UBE2D3: variants seen among roughly 807,000 people sequenced by gnomAD.
UBE2D3 encodes the protein ubiquitin-conjugating enzyme E2 D3.
UBE2D3 carries 2 observed loss-of-function variants against 22.8 expected under a neutral mutation model. The observed-to-expected ratio is 0.09, with a 90% confidence interval of 0.04 to 0.28. The LOEUF (loss-of-function observed/expected upper bound fraction) is 0.28, where lower values mean the gene tolerates loss of function less well. Among genes scored for constraint, UBE2D3 ranks in the 10% least tolerant of loss-of-function variants. The probability of loss-of-function intolerance (pLI) is 1.00; values close to 1 mark genes in which losing one functional copy is unlikely to be tolerated. For synonymous variants in UBE2D3, 56 were observed against 60.4 expected (o/e 0.93, Z 0.34); for missense variants, 27 against 182.5 (o/e 0.15, Z 4.91).
At chr4:102,834,473 G>T (rs1009269719) in intron 1 of UBE2D3, among the ~76,000 whole-genome samples, 1 of 152,140 alleles carries the variant, frequency 6.6e-6, no homozygotes, top group South Asian at 2.1e-4. Flanking sequence ...TGAGGGCCGG[G>T]TGTGGTGGTA....
chr4:102,817,512 C>T (rs1728942314), intron 2 of UBE2D3, among the ~76,000 whole-genome samples: 1 of 152,062 alleles, frequency 6.6e-6, no homozygotes, highest in South Asian at 2.1e-4. Context: ...CTAAGTGTAC[C>T]TACTAACAAC....
chr4:102,802,805 TAA>T (rs1315567834), intron 4 of UBE2D3, 167 bp from the exon 5 acceptor site: 2 of 440,178 alleles, frequency 4.5e-6, no homozygotes, highest in African/African-American at 2.0e-5. Flanking sequence ...GAAAAAAACT[TAA>T]AACTTATACA....
In UBE2D3 at chr4:102,809,859, C is replaced by T. The variant is rs754270661; in HGVS notation, c.25-4G>A. ...CACGGGCCAAATCACTAAGTTCCTA[C>T]ACCAAGACAGAAAATGGGTGAGTCA... On this transcript the variant is annotated splice_region_variant and splice_polypyrimidine_tract_variant and intron_variant, in intron 2 of 7. Coordinates refer to ENST00000453744, the MANE Select transcript of UBE2D3 (RefSeq NM_181891.3). 6.8e-6 allele frequency: 11 copies of T among 1,613,014 alleles called. No individual in the cohort carries two copies. Among genetic ancestry groups the T allele is most frequent in the African/African-American group, 4.0e-5 (3 of 74,800 alleles).
At chr4:102,823,243 C>T (rs1729914989) in intron 2 of UBE2D3, among the ~76,000 whole-genome samples, 1 of 152,166 alleles carries the variant, frequency 6.6e-6, no homozygotes, top group Non-Finnish European at 1.5e-5. Flanking sequence ...GTTAAGAGCA[C>T]ATACTCTGGA....
chr4:102,802,752 G>A, intron 4 of UBE2D3, 114 bp from the exon 5 acceptor site: 1 of 650,926 alleles, frequency 1.5e-6, no homozygotes, highest in Non-Finnish European at 2.4e-6. Context: ...TATTTACACT[G>A]CAATAAATAA....
At chr4:102,825,701 G>C (rs1217185083) in intron 2 of UBE2D3, 1 of 684,200 alleles carries the variant, frequency 1.5e-6, no homozygotes, top group East Asian at 6.5e-5. Context: ...TTATTAAATA[G>C]AATGAGGCAA....
At chr4:102,826,414 C>T (rs1730508488) in intron 2 of UBE2D3, 71 bp downstream of exon 2, 2 of 1,587,420 alleles carry the variant, frequency 1.3e-6, no homozygotes, top group Admixed American at 1.7e-5. Flanking sequence ...TCCTTCCCAC[C>T]CCCACGCTTT....
At chr4:102,854,596 T>G (rs1732542425) in intron 1 of UBE2D3, among the ~76,000 whole-genome samples, 1 of 152,254 alleles carries the variant, frequency 6.6e-6, no homozygotes. Context: ...TGAAATCTGC[T>G]TTGTCTGACA....
chr4:102,827,435 C>T lies in UBE2D3; in HGVS notation c.-137G>A. 1.0e-6 allele frequency: 1 copy of T among 986,166 alleles called. No individual in the cohort carries two copies. The highest frequency in any genetic ancestry group is 1.2e-6 in the Non-Finnish European group (1 of 830,158). The allele number at this position is 986,166 out of a possible 1,614,324, so 61.1% of individuals were successfully genotyped here. On this transcript the variant is annotated 5_prime_UTR_variant, in exon 1 of 8. Coordinates refer to ENST00000453744, the MANE Select transcript of UBE2D3 (RefSeq NM_181891.3). Reference sequence around the variant, plus strand: ...TCCACACCCACGCGTACAGAGGGGCCGGGGCCTCCCTCAAGCTGCGGCCTC... The same window carrying T: ...TCCACACCCACGCGTACAGAGGGGCTGGGGCCTCCCTCAAGCTGCGGCCTC...
upstream of UBE2D3, among the ~76,000 whole-genome samples, chr4:102,829,727 C>T (rs1731009651): frequency 6.6e-6 from 1 of 152,068 alleles, no homozygotes; most frequent in Admixed American, 6.5e-5. Flanking sequence ...CATATGAGAT[C>T]AGGAGTTCGA....
At chr4:102,822,852 C>G (rs1729845888) in intron 2 of UBE2D3, among the ~76,000 whole-genome samples, 1 of 149,514 alleles carries the variant, frequency 6.7e-6, no homozygotes, top group Admixed American at 6.7e-5. Context: ...AGGAGAATGG[C>G]GTGAACCCAG....
At chr4:102,839,998 A>C (rs982317521) in intron 1 of UBE2D3, among the ~76,000 whole-genome samples, 1 of 152,262 alleles carries the variant, frequency 6.6e-6, no homozygotes, top group African/African-American at 2.4e-5. Context: ...AGAAGAAGAC[A>C]CAAATGCCCA....
chr4:102,845,516 C>CT (rs1358293677), intron 1 of UBE2D3, among the ~76,000 whole-genome samples: 2 of 152,176 alleles, frequency 1.3e-5, no homozygotes, highest in African/African-American at 4.8e-5. Flanking sequence ...TGCATTGCCC[C>CT]TTTCGTCAAA....
chr4:102,827,123 G>C lies in UBE2D3; in HGVS notation c.-129+304C>G, dbSNP rs573564130. On this transcript the variant is annotated intron_variant, in intron 1 of 7. Transcript: ENST00000453744. Reference sequence around the variant, plus strand: ...TGCTATCCTCGCAGCGAGCTATTCTGTGTCACCCCTGACGCCACCGTACAC... The same window carrying C: ...TGCTATCCTCGCAGCGAGCTATTCTCTGTCACCCCTGACGCCACCGTACAC... 3.0e-6 allele frequency: 3 copies of C among 986,614 alleles called. No homozygotes were observed. The South Asian group carries it at 1.4e-4, about 45-fold the overall frequency. 61.1% of individuals were successfully genotyped at this position (986,614 alleles called of 1,614,324 possible).
At chr4:102,831,768 A>C (rs1731130649), upstream of UBE2D3, among the ~76,000 whole-genome samples, 1 of 152,176 alleles carries the variant, frequency 6.6e-6, no homozygotes, top group Admixed American at 6.5e-5. Flanking sequence ...TATATTTGTA[A>C]TACTGCTTTT....
intron 1 of UBE2D3, among the ~76,000 whole-genome samples, chr4:102,835,452 A>G (rs1731341914): frequency 6.6e-6 from 1 of 152,228 alleles, no homozygotes; most frequent in Non-Finnish European, 1.5e-5. Flanking sequence ...GAGGATGACT[A>G]TAATATGAAG....
intron 1 of UBE2D3, among the ~76,000 whole-genome samples, chr4:102,840,366 A>G (rs1356032845): frequency 6.6e-6 from 1 of 152,274 alleles, no homozygotes; most frequent in East Asian, 1.9e-4. Flanking sequence ...TTACCTATGC[A>G]CAATGAATAC....
chr4:102,838,611 A>T (rs566396530), intron 1 of UBE2D3, among the ~76,000 whole-genome samples: 1 of 152,272 alleles, frequency 6.6e-6, no homozygotes, highest in African/African-American at 2.4e-5. Flanking sequence ...TTGTTACAGA[A>T]TAAAGCTTGT....
At chr4:102,847,218 G>A (rs185967312) in intron 1 of UBE2D3, among the ~76,000 whole-genome samples, 4 of 152,186 alleles carry the variant, frequency 2.6e-5, no homozygotes, top group Non-Finnish European at 5.9e-5. Context: ...TATCTGCCCA[G>A]TGATTACAGA....
Sources: allele counts gnomAD v4.1 joint callset (sites outside exome capture counted in the v4.1 genomes callset), GRCh38; gene constraint gnomAD v4.1.1; transcripts MANE v1.5; gene names NCBI Gene and HGNC (gene_info 2026-07-23, HGNC 2026-07-21).